The following ITPR1 variants were observed in gnomAD, a reference collection of about 807,000 sequenced individuals.
The protein encoded by ITPR1 is inositol 1,4,5-trisphosphate-gated calcium channel ITPR1.
Under a neutral mutation model 318.4 loss-of-function variants are expected in ITPR1, and 96 were observed. That is an observed-to-expected ratio of 0.30 (90% CI 0.26 to 0.36). The LOEUF (loss-of-function observed/expected upper bound fraction) is 0.36, where lower values mean the gene tolerates loss of function less well. ITPR1 is among the 10% of genes least tolerant of loss of function. ITPR1 has a pLI of 1.00. For missense variants in ITPR1, 2,440 were observed against 3,460.2 expected (o/e 0.71, Z 7.40); for synonymous variants, 1,312 against 1,289.9 (o/e 1.02, Z -0.37).
At chr3:4,751,004 T>A (rs2044467557) in intron 44 of ITPR1, 1 of 152,932 alleles carries the variant, frequency 6.5e-6, no homozygotes, top group South Asian at 2.1e-4. Context: ...GATAGAAGTT[T>A]TCTCTGGCAT....
intron 4 of ITPR1, among the ~76,000 whole-genome samples, chr3:4,532,161 A>G: frequency 6.6e-6 from 1 of 152,088 alleles, no homozygotes; most frequent in Admixed American, 6.5e-5. Flanking sequence ...GAGGACAGAA[A>G]CCATGCCTGT....
chr3:4,546,392 A>G lies in ITPR1; in HGVS notation c.163+25298A>G, dbSNP rs752299727. 6.7e-4 allele frequency among the ~76,000 whole-genome samples: 102 copies of G among 152,282 alleles called. 2 individuals carry two copies. Among genetic ancestry groups the G allele is most frequent in the Admixed American group, 5.3e-3 (81 of 15,290 alleles). On this transcript the variant is annotated intron_variant, in intron 4 of 61. Transcript: ENST00000649015. ...GTGGATTATACCCATTTTCCAGCCA[A>G]AAGAGGATGACCTCTGAGGTTATGA...
At chr3:4,566,604 G>GCGCGCA (rs111805736) in intron 4 of ITPR1, among the ~76,000 whole-genome samples, 1 of 140,898 alleles carries the variant, frequency 7.1e-6, no homozygotes, top group East Asian at 2.1e-4. Context: ...GGGGACACAT[G>GCGCGCA]CACACACACA....
intron 32 of ITPR1, 23 bp downstream of exon 32, chr3:4,691,367 T>C (rs778825653): frequency 6.7e-7 from 1 of 1,487,998 alleles, no homozygotes; most frequent in South Asian, 1.2e-5. Context: ...TATTTCTGTA[T>C]ACCTCCATCT....
rs117089322 is a variant in ITPR1, at chr3:4,633,220, G to A, written c.279+5342G>A. On this transcript the variant is annotated intron_variant, in intron 5 of 61. Transcript: ENST00000649015. ...CAAAGTGCTGACATTACAGGCATGAGCCACTGGGCCCGGCCTCAGGTCTTG... is the reference window on the plus strand; with the variant it reads ...CAAAGTGCTGACATTACAGGCATGAACCACTGGGCCCGGCCTCAGGTCTTG... Among the ~76,000 whole-genome samples, 902 of 152,262 alleles carry A rather than the reference G, an allele frequency of 5.9e-3. 39 individuals carry two copies. In the East Asian group the frequency reaches 0.12, roughly 20 times the overall value.
chr3:4,637,498 G>A (rs146525028), intron 5 of ITPR1, among the ~76,000 whole-genome samples: 1 of 152,358 alleles, frequency 6.6e-6, no homozygotes, highest in East Asian at 1.9e-4. Flanking sequence ...AGGGCAACTT[G>A]CATGCCAAAG....
chr3:4,507,076 C>T (rs916721710), intron 2 of ITPR1, among the ~76,000 whole-genome samples: 1 of 147,844 alleles, frequency 6.8e-6, no homozygotes, highest in Non-Finnish European at 1.5e-5. Context: ...TTTTCCCAAA[C>T]AAAAATTTTG....
chr3:4,683,283 A>G, intron 26 of ITPR1, 103 bp from the exon 27 acceptor site: 1 of 1,090,140 alleles, frequency 9.2e-7, no homozygotes, highest in Non-Finnish European at 1.4e-6. Context: ...TCTGGAGATC[A>G]CAGTGCTAGA....
At chr3:4,745,220 C>G (rs1052690927) in intron 44 of ITPR1, among the ~76,000 whole-genome samples, 6 of 149,744 alleles carry the variant, frequency 4.0e-5, no homozygotes, top group Admixed American at 3.4e-4. Flanking sequence ...TTGGTGGGAG[C>G]AGACAGGGTT....
At chr3:4,829,486 A>G (rs1006103227) in intron 60 of ITPR1, among the ~76,000 whole-genome samples, 2 of 152,220 alleles carry the variant, frequency 1.3e-5, no homozygotes, top group African/African-American at 4.8e-5. Flanking sequence ...AAAAAATTAA[A>G]AAGAATAAAA....
chr3:4,844,399 C>G (rs186137426), intron 61 of ITPR1, among the ~76,000 whole-genome samples: 1 of 152,178 alleles, frequency 6.6e-6, no homozygotes, highest in African/African-American at 2.4e-5. Flanking sequence ...GGTGGGATTA[C>G]AGGCGTGAGC....
intron 44 of ITPR1, among the ~76,000 whole-genome samples, chr3:4,764,985 GATGGGTGA>G (rs2045718803): frequency 1.5e-5 from 2 of 137,198 alleles, no homozygotes; most frequent in South Asian, 4.8e-4. Context: ...TGGATGGATG[GATGGGTGA>G]ATGGGTGGGT....
intron 40 of ITPR1, among the ~76,000 whole-genome samples, chr3:4,721,130 A>T (rs997924490): frequency 4.9e-5 from 7 of 142,764 alleles, no homozygotes; most frequent in African/African-American, 1.8e-4. Context: ...ATATATTTAT[A>T]TATATTTATA....
At chr3:4,669,630 T>C (rs952227834) in intron 18 of ITPR1, 24 bp from the exon 19 acceptor site, 23 of 1,599,110 alleles carry the variant, frequency 1.4e-5, no homozygotes, top group Non-Finnish European at 1.8e-5. Context: ...CTACAGAAAA[T>C]GTTTTGTTTC....
chr3:4,703,226 G>A (rs1044993102), intron 36 of ITPR1, among the ~76,000 whole-genome samples: 5 of 152,166 alleles, frequency 3.3e-5, no homozygotes, highest in Non-Finnish European at 5.9e-5. Context: ...GGCAAGTAAC[G>A]ATACACACAG....
Position 4,706,175 on chromosome 3 carries a change from C to A in ITPR1, c.4666C>A (p.Arg1556=), listed in dbSNP as rs746953729. The A allele has an allele frequency of 6.2e-7, 1 of 1,613,884 alleles. No homozygotes were observed. Among genetic ancestry groups the A allele is most frequent in the African/African-American group, 1.3e-5 (1 of 74,922 alleles). Residue 1556 remains arginine, a synonymous_variant, in exon 37 of 62, where the codon CGG becomes AGG. Transcript: ENST00000649015. ...IRVLSDVAKS[R]AIAIPVDLDS... is the part of the protein sequence containing the mutation. Reference sequence around the variant, plus strand: ...ATCTTTCTCCTGTGCAGCCAAGAGCCGGGCCATTGCCATTCCCGTGGACCT... The same window carrying A: ...ATCTTTCTCCTGTGCAGCCAAGAGCAGGGCCATTGCCATTCCCGTGGACCT...
intron 4 of ITPR1, among the ~76,000 whole-genome samples, chr3:4,601,226 A>G (rs1232434443): frequency 6.8e-6 from 1 of 146,924 alleles, no homozygotes; most frequent in Non-Finnish European, 1.5e-5. Context: ...ACATGCAAAA[A>G]AGTAAAGTTG....
chr3:4,695,909 T>TA (rs1444163046), intron 33 of ITPR1, among the ~76,000 whole-genome samples: 2 of 152,318 alleles, frequency 1.3e-5, no homozygotes, highest in Non-Finnish European at 1.5e-5. Flanking sequence ...GGTGTGTGGA[T>TA]AGTCAGAAGT....
chr3:4,495,995 A>T (rs1175779565), intron 2 of ITPR1, among the ~76,000 whole-genome samples: 1 of 152,228 alleles, frequency 6.6e-6, no homozygotes, highest in Admixed American at 6.5e-5. Flanking sequence ...AAGAGTGCAG[A>T]TATTTGAGGA....
Sources: gnomAD v4.1 joint callset for allele counts (sites outside exome capture counted in the v4.1 genomes callset) on GRCh38, gnomAD v4.1.1 for gene constraint, MANE v1.5 for transcripts, NCBI Gene and HGNC (gene_info 2026-07-23, HGNC 2026-07-21) for gene names.